LONP1: variants seen among roughly 807,000 people sequenced by gnomAD.
LONP1 encodes the protein lon protease homolog, mitochondrial.
In LONP1, 31 loss-of-function variants were observed where a neutral mutation model predicts 98.5. The ratio of observed to expected loss-of-function variants is 0.31; its 90% CI spans 0.24 to 0.42. LONP1 has a LOEUF of 0.42. Among genes scored for constraint, LONP1 ranks in the 20% least tolerant of loss-of-function variants. The pLI is 1.00. For missense variants in LONP1, 1,336 were observed against 1,350.6 expected (o/e 0.99, Z 0.17); for synonymous variants, 781 against 594.7 (o/e 1.31, Z -4.56).
rs202013741 is a variant in LONP1, at chr19:5,700,967, C to T, written c.1368-40G>A. The T allele has an allele frequency of 2.9e-4, 471 of 1,611,358 alleles. 1 individual carries two copies. The highest frequency in any genetic ancestry group is 3.2e-4 in the Non-Finnish European group (377 of 1,178,060). On this transcript the variant is annotated intron_variant, in intron 8 of 17. Coordinates refer to ENST00000360614, the MANE Select transcript of LONP1 (RefSeq NM_004793.4). ...ATGGAGAGATGCTGAGTGGAGCTCA[C>T]GAGCTGCCTGTCTCTCTGCTGGACT...
In LONP1 at chr19:5,694,559, G is replaced by A. The variant is rs148940656; in HGVS notation, c.2155-7C>T. 9.7e-4 allele frequency: 1,570 copies of A among 1,610,990 alleles called. 10 individuals are homozygous for A. The highest frequency in any genetic ancestry group is 8.8e-3 in the South Asian group (800 of 91,016). On this transcript the variant is annotated splice_region_variant and splice_polypyrimidine_tract_variant and intron_variant, in intron 14 of 17. Transcript: ENST00000360614. ...AGGCCGATTTCCGTAACACCTGGGCGGTCAGGGCAACACAATGGGCACGGG... is the reference window on the plus strand; with the variant it reads ...AGGCCGATTTCCGTAACACCTGGGCAGTCAGGGCAACACAATGGGCACGGG...
chr19:5,697,180 G>A (rs1006650563), intron 10 of LONP1, among the ~76,000 whole-genome samples: 1 of 152,130 alleles, frequency 6.6e-6, no homozygotes, highest in Admixed American at 6.5e-5. Flanking sequence ...CCCAGCACAG[G>A]GGCCCGGCCC....
intron 8 of LONP1, among the ~76,000 whole-genome samples, chr19:5,701,770 G>C: frequency 6.6e-6 from 1 of 152,028 alleles, no homozygotes; most frequent in East Asian, 1.9e-4. Context: ...GGGAAGTGAG[G>C]AGCGTCTCTG....
chr19:5,702,204 T>C (rs1260860695), intron 8 of LONP1, among the ~76,000 whole-genome samples: 1 of 120,788 alleles, frequency 8.3e-6, no homozygotes, highest in Non-Finnish European at 1.7e-5. Context: ...GAGGGAGGAG[T>C]GGGGGTCAGC....
intron 17 of LONP1, among the ~76,000 whole-genome samples, chr19:5,692,778 A>G (rs1244258934): frequency 1.3e-5 from 2 of 152,142 alleles, no homozygotes; most frequent in African/African-American, 4.8e-5. Context: ...GTCCAATTCA[A>G]GGTGGTCACA....
chr19:5,693,580 G>A lies in LONP1; in HGVS notation c.2510C>T (p.Thr837Ile). 6.2e-7 allele frequency: 1 copy of A among 1,614,108 alleles called. No homozygotes were observed. Among genetic ancestry groups the A allele is most frequent in the Non-Finnish European group, 8.5e-7 (1 of 1,179,992 alleles). The change falls in exon 16 of 18, where the codon ACC becomes ATC. Residue 837 changes from threonine to isoleucine, a missense_variant. By Grantham distance (89) the Thr-to-Ile change is moderately conservative (BLOSUM62 -1). Transcript: ENST00000360614. Reference sequence around the variant, plus strand: ...GGGCACATGCAGGTGGATGTGTGAGGTCACCAGGTAGTCATTGGCGGGGGC... The same window carrying A: ...GGGCACATGCAGGTGGATGTGTGAGATCACCAGGTAGTCATTGGCGGGGGC... ...QHAPANDYLV[T>I]SHIHLHVPEG...
intron 7 of LONP1, 31 bp from the exon 8 acceptor site, chr19:5,706,023 G>A (rs772799353): frequency 6.5e-7 from 1 of 1,549,886 alleles, no homozygotes; most frequent in African/African-American, 1.4e-5. Flanking sequence ...ATCAGGCCCT[G>A]GCTCCGGGAA....
At position 5,696,237 on chromosome 19, in the gene LONP1, C is replaced by CT; in HGVS notation, c.1896+11_1896+12insA. 1.9e-6 allele frequency: 3 copies of CT among 1,613,012 alleles called. No individual in the cohort carries two copies. Among genetic ancestry groups the CT allele is most frequent in the Non-Finnish European group, 2.5e-6 (3 of 1,179,764 alleles). ...CTCCCCAGCAAGCCCAGGCCCCAGA[C>CT]AGGCCCCCCACCTTGGACAAGTCCA... On this transcript the variant is annotated intron_variant, in intron 12 of 17. Transcript: ENST00000360614.
intron 4 of LONP1, among the ~76,000 whole-genome samples, chr19:5,711,516 G>C (rs1195714035): frequency 6.6e-6 from 1 of 152,186 alleles, no homozygotes; most frequent in Non-Finnish European, 1.5e-5. Flanking sequence ...CTGGACCTGG[G>C]TTCCAACCCT....
Position 5,705,990 on chromosome 19 carries a change from C to T in LONP1, c.1149G>A (p.Val383=), listed in dbSNP as rs778892496. 4 of 1,610,014 alleles carry T rather than the reference C, an allele frequency of 2.5e-6. No individual in the cohort carries two copies. The highest frequency in any genetic ancestry group is 3.4e-6 in the Non-Finnish European group (4 of 1,178,504). Residue 383 remains valine (V), a splice_region_variant and synonymous_variant, in exon 8 of 18, where the codon GTG becomes GTA. Transcript: ENST00000360614. ...GGTGGGTCTGCTTGATCTTCTCCTCCACCTGTGGGGTGAGGTGCTGCCATC... is the reference window on the plus strand; with the variant it reads ...GGTGGGTCTGCTTGATCTTCTCCTCTACCTGTGGGGTGAGGTGCTGCCATC... ...SKLQQRLGRE[V]EEKIKQTHRK... is the part of the protein sequence containing the mutation.
chr19:5,692,642 G>C (rs1197440108), intron 17 of LONP1, among the ~76,000 whole-genome samples: 3 of 152,138 alleles, frequency 2.0e-5, no homozygotes, highest in African/African-American at 4.8e-5. Context: ...GTAGATGCCA[G>C]GCACAGCCCC....
chr19:5,720,034 A>C lies in LONP1; in HGVS notation c.99T>G (p.Thr33=), dbSNP rs1401548280. ...MLAAAGGRVP[T]AAGAWLLRGQ... ...CTCGGAGCAACCACGCTCCTGCTGC[A>C]GTGGGAACCCGCCCCCCGGCGGCGG... is the stretch of plus-strand genomic sequence containing the variant. Residue 33 remains threonine (T), a synonymous_variant, in exon 1 of 18, where the codon ACT becomes ACG. Transcript: ENST00000360614. The C allele has an allele frequency of 2.6e-6, 4 of 1,556,132 alleles. No homozygotes were observed. The highest frequency in any genetic ancestry group is 2.8e-5 in the African/African-American group (2 of 71,924).
Position 5,691,927 on chromosome 19 carries a change from G to T in LONP1, c.*105C>A. The T allele has an allele frequency of 7.5e-7, 1 of 1,326,866 alleles. No homozygotes were observed. The highest frequency in any genetic ancestry group is 1.0e-6 in the Non-Finnish European group (1 of 970,512). The allele number at this position is 1,326,866 out of a possible 1,614,324, so 82.2% of individuals were successfully genotyped here. A position where few individuals can be genotyped will look rare whatever the true frequency, so the allele number is the denominator to read the frequency against. On this transcript the variant is annotated 3_prime_UTR_variant, in exon 18 of 18. Transcript: ENST00000360614. Reference sequence around the variant, plus strand: ...GGGATCTGGGTCACTGGACCGAGCTGCTCGCTCGGTGGCTCCACTGCCAGG... The same window carrying T: ...GGGATCTGGGTCACTGGACCGAGCTTCTCGCTCGGTGGCTCCACTGCCAGG...
rs780004088 is a variant in LONP1, at chr19:5,719,825, G to A, written c.308C>T (p.Ala103Val). The part of the protein sequence containing the change: ...GAGGAGGSAG[A>V]GEGPVITALT... ...CGCCGTTATGACCGGGCCTTCCCCGGCGCCCGCGCTGCCCCCCGCGCCGCC... is the reference window on the plus strand; with the variant it reads ...CGCCGTTATGACCGGGCCTTCCCCGACGCCCGCGCTGCCCCCCGCGCCGCC... The change falls in exon 1 of 18, where the codon GCC becomes GTC. Residue 103 changes from alanine to valine, a missense_variant. Coordinates refer to ENST00000360614, the MANE Select transcript of LONP1 (RefSeq NM_004793.4). 4 of 1,610,372 alleles carry A rather than the reference G, an allele frequency of 2.5e-6. No homozygotes were observed. The African/African-American group carries it at 4.0e-5, about 16-fold the overall frequency.
At chr19:5,715,174 C>T (rs995190880) in intron 1 of LONP1, 10 of 151,268 alleles carry the variant, frequency 6.6e-5, no homozygotes, top group South Asian at 2.1e-4. Context: ...TCAAAGTAGA[C>T]GAATGGTCAG....
chr19:5,694,606 G>A, intron 14 of LONP1, 54 bp from the exon 15 acceptor site: 1 of 1,498,926 alleles, frequency 6.7e-7, no homozygotes, highest in Non-Finnish European at 9.2e-7. Context: ...ACAGGTGCGG[G>A]GTGGTGGGGT....
intron 4 of LONP1, 135 bp downstream of exon 4, chr19:5,711,636 T>C (rs886265093): frequency 4.4e-6 from 3 of 684,700 alleles, no homozygotes; most frequent in Middle Eastern, 3.7e-4. Flanking sequence ...TCCATTAGAA[T>C]TGAGTTCCAG....
At chr19:5,705,477 A>G (rs571831633) in intron 8 of LONP1, among the ~76,000 whole-genome samples, 6 of 143,920 alleles carry the variant, frequency 4.2e-5, no homozygotes, top group South Asian at 2.2e-4. Context: ...AAAAAAAAAA[A>G]GCAGCCCTGG....
chr19:5,715,643 TAAAAAAAAAAAAAAAAAAA>T (rs527565499), intron 1 of LONP1, among the ~76,000 whole-genome samples: 34 of 31,092 alleles, frequency 1.1e-3, no homozygotes, highest in African/African-American at 3.1e-3. Flanking sequence ...CTCTGTCTCA[TAAAAAAAAAAAAAAAAAAA>T]AAAAAAAAAA....
Sources: allele counts gnomAD v4.1 joint callset (sites outside exome capture counted in the v4.1 genomes callset), GRCh38; gene constraint gnomAD v4.1.1; transcripts MANE v1.5; gene names NCBI Gene and HGNC (gene_info 2026-07-23, HGNC 2026-07-21).